Variants in GRID2 observed in about 807,000 individuals in gnomAD.
GRID2 encodes glutamate receptor ionotropic, delta-2.
Under a neutral mutation model 114.8 loss-of-function variants are expected in GRID2, and 33 were observed. That is an observed-to-expected ratio of 0.29 (90% CI 0.22 to 0.38). The LOEUF is 0.38. GRID2 is among the 10% of genes least tolerant of loss of function. The pLI is 1.00. For missense variants in GRID2, 1,184 were observed against 1,257.7 expected, an observed-to-expected ratio of 0.94 and a Z score of 0.89; for synonymous variants, 505 against 449.9, an observed-to-expected ratio of 1.12 and a Z score of -1.55.
intron 2 of GRID2, among the ~76,000 whole-genome samples, chr4:93,015,495 A>T (rs1320555526): frequency 6.6e-6 from 1 of 152,136 alleles, no homozygotes; most frequent in Admixed American, 6.6e-5. Flanking sequence ...AGACAACCTC[A>T]TAGGGTTGTA....
intron 2 of GRID2, among the ~76,000 whole-genome samples, chr4:92,903,645 G>A (rs947832006): frequency 4.0e-5 from 6 of 151,736 alleles, no homozygotes; most frequent in Non-Finnish European, 8.8e-5. Flanking sequence ...TTTTTAATGG[G>A]AATAATTTAT....
At chr4:93,390,480 T>C (rs1267819602) in intron 8 of GRID2, among the ~76,000 whole-genome samples, 2 of 152,140 alleles carry the variant, frequency 1.3e-5, no homozygotes, top group Non-Finnish European at 2.9e-5. Context: ...CCAAAAACTG[T>C]ATGAGGAAGT....
intron 2 of GRID2, among the ~76,000 whole-genome samples, chr4:92,956,243 C>A (rs1752399890): frequency 6.6e-6 from 1 of 152,146 alleles, no homozygotes. Flanking sequence ...TCATTACCAA[C>A]CCGGGTTCAC....
chr4:93,428,802 AC>A (rs1769119759), intron 10 of GRID2, among the ~76,000 whole-genome samples: 1 of 152,216 alleles, frequency 6.6e-6, no homozygotes, highest in Non-Finnish European at 1.5e-5. Flanking sequence ...TATTTACAAC[AC>A]AATATACATA....
At chr4:92,863,574 T>C (rs1280726431) in intron 2 of GRID2, among the ~76,000 whole-genome samples, 1 of 152,174 alleles carries the variant, frequency 6.6e-6, no homozygotes, top group Non-Finnish European at 1.5e-5. Context: ...ACATCAGCTT[T>C]TAACCAGTAG....
rs6819866 is a variant in GRID2, at chr4:93,455,524, A to T, written c.1546-138A>T. 185,626 of 619,386 alleles carry T rather than the reference A, an allele frequency of 0.3. 30,455 individuals carry two copies. Among genetic ancestry groups the T allele is most frequent in the Non-Finnish European group, 0.35 (121,528 of 348,280 alleles). The allele number at this position is 619,386 out of a possible 1,614,324, so 38.4% of individuals were successfully genotyped here. A position where few individuals can be genotyped will look rare whatever the true frequency, so the allele number is the denominator to read the frequency against. ...CACATAGCTCTTCTGTAAGAAGTCTATGCAGTGTTTCAGTTTATATAAAAA... is the reference window on the plus strand; with the variant it reads ...CACATAGCTCTTCTGTAAGAAGTCTTTGCAGTGTTTCAGTTTATATAAAAA... On this transcript the variant is annotated intron_variant, in intron 10 of 15. Coordinates refer to ENST00000282020, the MANE Select transcript of GRID2 (RefSeq NM_001510.4).
chr4:93,211,438 G>GT (rs1183526465), intron 5 of GRID2, among the ~76,000 whole-genome samples: 1 of 151,932 alleles, frequency 6.6e-6, no homozygotes, highest in African/African-American at 2.4e-5. Context: ...TTGTCATTAA[G>GT]TGGATGCTCC....
intron 4 of GRID2, among the ~76,000 whole-genome samples, chr4:93,188,445 C>G (rs1333703962): frequency 6.6e-6 from 1 of 152,096 alleles, no homozygotes; most frequent in African/African-American, 2.4e-5. Flanking sequence ...TTTTCTGTTC[C>G]CAAGGTCCTG....
chr4:92,782,487 AT>A (rs1460824599), intron 2 of GRID2, among the ~76,000 whole-genome samples: 1 of 152,116 alleles, frequency 6.6e-6, no homozygotes, highest in Non-Finnish European at 1.5e-5. Flanking sequence ...TAAAATTCTT[AT>A]CTGAGAATTA....
chr4:93,120,902 G>A (rs1191244082), intron 4 of GRID2, among the ~76,000 whole-genome samples: 1 of 152,022 alleles, frequency 6.6e-6, no homozygotes, highest in African/African-American at 2.4e-5. Flanking sequence ...GTAGTGAGCC[G>A]AGATTGCGCC....
chr4:93,689,927 G>C (rs1339977971), intron 14 of GRID2, among the ~76,000 whole-genome samples: 3 of 151,948 alleles, frequency 2.0e-5, no homozygotes, highest in African/African-American at 7.2e-5. Flanking sequence ...ATACAGAAAA[G>C]TCAGAGAGAC....
intron 1 of GRID2, among the ~76,000 whole-genome samples, chr4:92,369,610 C>A (rs1006471853): frequency 5.9e-5 from 9 of 152,100 alleles, no homozygotes; most frequent in African/African-American, 2.2e-4. Flanking sequence ...ACTTCAGTAT[C>A]CAGCTAGCTA....
chr4:93,302,931 A>G (rs1297824283), intron 8 of GRID2, among the ~76,000 whole-genome samples: 4 of 152,222 alleles, frequency 2.6e-5, no homozygotes, highest in Non-Finnish European at 5.9e-5. Context: ...TGTATAAACA[A>G]CTACCTGAGA....
intron 2 of GRID2, among the ~76,000 whole-genome samples, chr4:93,009,783 C>T (rs1721935829): frequency 6.6e-6 from 1 of 152,046 alleles, no homozygotes; most frequent in South Asian, 2.1e-4. Context: ...ACTCTCTCTT[C>T]TAAGACAGTG....
chr4:93,166,318 G>T (rs1036713647), intron 4 of GRID2, among the ~76,000 whole-genome samples: 3 of 152,118 alleles, frequency 2.0e-5, no homozygotes, highest in African/African-American at 7.2e-5. Flanking sequence ...TGGGTAGAAG[G>T]AGTTATAGCC....
At chr4:93,017,061 T>C (rs116176757) in intron 2 of GRID2, among the ~76,000 whole-genome samples, 112 of 152,286 alleles carry the variant, frequency 7.4e-4, no homozygotes, top group African/African-American at 2.7e-3. Context: ...AATAATGAAA[T>C]TTGGAAGTCT....
intron 2 of GRID2, among the ~76,000 whole-genome samples, chr4:92,911,074 C>T (rs1436663558): frequency 6.6e-6 from 1 of 151,926 alleles, no homozygotes; most frequent in East Asian, 1.9e-4. Flanking sequence ...CTATTTTTCT[C>T]ATGTTTTCCA....
At chr4:93,145,865 TACACACACAC>T (rs10605314) in intron 4 of GRID2, among the ~76,000 whole-genome samples, 2 of 147,876 alleles carry the variant, frequency 1.4e-5, no homozygotes, top group African/African-American at 2.5e-5. Context: ...CACACACACA[TACACACACAC>T]ACACACACAC....
intron 14 of GRID2, among the ~76,000 whole-genome samples, chr4:93,661,563 A>G (rs1395612857): frequency 2.0e-5 from 3 of 152,188 alleles, no homozygotes; most frequent in East Asian, 3.9e-4. Context: ...CATCCACAAT[A>G]TATATTAAAT....
Sources: allele counts gnomAD v4.1 joint callset (sites outside exome capture counted in the v4.1 genomes callset), GRCh38; gene constraint gnomAD v4.1.1; transcripts MANE v1.5; gene names NCBI Gene and HGNC (gene_info 2026-07-23, HGNC 2026-07-21).